FGGY: variants seen among roughly 807,000 people sequenced by gnomAD.
FGGY encodes FGGY carbohydrate kinase domain containing.
In FGGY, 72 loss-of-function variants were observed where a neutral mutation model predicts 71.3. That is an observed-to-expected ratio of 1.01 (90% CI 0.84 to 1.23). FGGY has a LOEUF of 1.23. Among genes scored for constraint, FGGY ranks in the 50% most tolerant of loss-of-function variants. The pLI, the probability that FGGY is intolerant of heterozygous loss-of-function variation, is 0.00. For missense variants in FGGY, 668 were observed against 682.3 expected, an observed-to-expected ratio of 0.98 and a Z score of 0.23; for synonymous variants, 251 against 250.3, an observed-to-expected ratio of 1.00 and a Z score of -0.02.
chr1:59,591,796 G>C (rs866815990), intron 8 of FGGY, among the ~76,000 whole-genome samples: 2 of 152,150 alleles, frequency 1.3e-5, no homozygotes, highest in Admixed American at 6.5e-5. Flanking sequence ...ATTCAAGATG[G>C]ATTAAAGACT....
chr1:59,420,379 C>T (rs1047358357), intron 5 of FGGY, among the ~76,000 whole-genome samples: 12 of 152,170 alleles, frequency 7.9e-5, no homozygotes, highest in East Asian at 1.9e-4. Flanking sequence ...TTAGTGAAGT[C>T]GTTATTCCCA....
At chr1:59,645,987 G>A (rs939440797) in intron 11 of FGGY, among the ~76,000 whole-genome samples, 14 of 152,352 alleles carry the variant, frequency 9.2e-5, no homozygotes, top group African/African-American at 3.1e-4. Flanking sequence ...GAGATAGTGT[G>A]TATGTGGGAG....
chr1:59,382,524 C>T (rs1236364032), intron 5 of FGGY, among the ~76,000 whole-genome samples: 3 of 152,106 alleles, frequency 2.0e-5, no homozygotes, highest in Admixed American at 1.3e-4. Context: ...TAATTAGTCA[C>T]CATTATGGTT....
intron 6 of FGGY, among the ~76,000 whole-genome samples, chr1:59,492,099 A>G (rs1173664642): frequency 6.6e-6 from 1 of 152,054 alleles, no homozygotes; most frequent in Non-Finnish European, 1.5e-5. Flanking sequence ...TTCTGTTCCT[A>G]TCATTTTGTT....
intron 8 of FGGY, among the ~76,000 whole-genome samples, chr1:59,578,930 C>T (rs1006226036): frequency 2.0e-5 from 3 of 152,068 alleles, no homozygotes; most frequent in African/African-American, 4.8e-5. Context: ...AAACCTTGAC[C>T]TTATATTTCG....
chr1:59,456,813 T>G, intron 5 of FGGY, 148 bp from the exon 6 acceptor site: 1 of 565,126 alleles, frequency 1.8e-6, no homozygotes. Flanking sequence ...ATGGAGACTT[T>G]TTACCTAAGC....
intron 4 of FGGY, among the ~76,000 whole-genome samples, chr1:59,363,078 A>T (rs1252657948): frequency 1.3e-5 from 2 of 152,238 alleles, no homozygotes; most frequent in Non-Finnish European, 2.9e-5. Context: ...TTTGAGAAGA[A>T]CAAGGATTGT....
At position 59,536,924 on chromosome 1, in the gene FGGY, T is replaced by G. The variant is rs570758331; in HGVS notation, c.800-17200T>G. Among the ~76,000 whole-genome samples, 33 of 152,148 alleles carry G rather than the reference T, an allele frequency of 2.2e-4. No homozygotes were observed. The East Asian group carries it at 3.5e-3, about 16-fold the overall frequency. On this transcript the variant is annotated intron_variant, in intron 7 of 15. Transcript: ENST00000303721. ...GGGCAAAAACTGGAAGCATTCCCTT[T>G]GAAAACTGGCACAAGACAGGGATGC...
At chr1:59,612,870 T>C (rs1484525934) in intron 9 of FGGY, among the ~76,000 whole-genome samples, 1 of 152,102 alleles carries the variant, frequency 6.6e-6, no homozygotes, top group African/African-American at 2.4e-5. Context: ...AAACAGACTT[T>C]AAACCAACAA....
At chr1:59,486,982 G>T (rs1196813005) in intron 6 of FGGY, among the ~76,000 whole-genome samples, 1 of 152,160 alleles carries the variant, frequency 6.6e-6, no homozygotes, top group Non-Finnish European at 1.5e-5. Flanking sequence ...AAAAAATCTA[G>T]GTTACATGTA....
chr1:59,371,503 C>G (rs1387435513), intron 4 of FGGY, among the ~76,000 whole-genome samples: 4 of 152,170 alleles, frequency 2.6e-5, no homozygotes, highest in South Asian at 2.1e-4. Context: ...ATCAACGAGA[C>G]AGAAAGTCAA....
chr1:59,307,313 C>CAAAAA (rs398049311), intron 1 of FGGY, among the ~76,000 whole-genome samples: 3 of 67,366 alleles, frequency 4.5e-5, no homozygotes, highest in Non-Finnish European at 5.8e-5. Flanking sequence ...GACCCTGTCT[C>CAAAAA]AAAAAAAAAA....
chr1:59,544,609 G>C (rs1258223693), intron 7 of FGGY, among the ~76,000 whole-genome samples: 1 of 152,156 alleles, frequency 6.6e-6, no homozygotes, highest in African/African-American at 2.4e-5. Context: ...GCCATATTTT[G>C]GGATAGCATG....
chr1:59,356,136 C>T (rs2054272830), intron 4 of FGGY, among the ~76,000 whole-genome samples: 1 of 152,090 alleles, frequency 6.6e-6, no homozygotes, highest in South Asian at 2.1e-4. Context: ...AGTCCTCACC[C>T]AGCCTGCTAC....
intron 4 of FGGY, among the ~76,000 whole-genome samples, chr1:59,350,229 G>C (rs992232855): frequency 1.3e-5 from 2 of 152,130 alleles, no homozygotes; most frequent in African/African-American, 4.8e-5. Flanking sequence ...ACTGTGATAG[G>C]CACTGGGGAA....
chr1:59,470,635 T>C (rs994100329), intron 6 of FGGY, among the ~76,000 whole-genome samples: 2 of 152,220 alleles, frequency 1.3e-5, no homozygotes, highest in African/African-American at 4.8e-5. Flanking sequence ...AAGAGGAAAT[T>C]CCCTTTTGTA....
intron 14 of FGGY, among the ~76,000 whole-genome samples, chr1:59,752,148 A>G (rs1250313442): frequency 6.6e-6 from 1 of 152,190 alleles, no homozygotes; most frequent in Non-Finnish European, 1.5e-5. Context: ...TCTTAAGACC[A>G]AAAAAAGTCA....
chr1:59,629,490 T>C (rs2096888783), intron 10 of FGGY, among the ~76,000 whole-genome samples: 1 of 152,190 alleles, frequency 6.6e-6, no homozygotes, highest in Admixed American at 6.5e-5. Flanking sequence ...ACAATTACCA[T>C]TGAGAGGGAT....
At chr1:59,724,552 C>A (rs1477759126) in intron 14 of FGGY, among the ~76,000 whole-genome samples, 1 of 151,932 alleles carries the variant, frequency 6.6e-6, no homozygotes, top group Non-Finnish European at 1.5e-5. Context: ...AACTCCTTGA[C>A]GATCACTGAT....
Sources: gnomAD v4.1 joint callset for allele counts (sites outside exome capture counted in the v4.1 genomes callset) on GRCh38, gnomAD v4.1.1 for gene constraint, MANE v1.5 for transcripts, NCBI Gene and HGNC (gene_info 2026-07-23, HGNC 2026-07-21) for gene names.